Variants in GRM4 observed in about 807,000 individuals in gnomAD.
GRM4 encodes glutamate metabotropic receptor 4, also known as metabotropic glutamate receptor 4.
A neutral mutation model predicts 81.7 loss-of-function variants in GRM4; 28 were observed. The observed-to-expected ratio is 0.34, with a 90% CI of 0.25 to 0.47. The LOEUF (loss-of-function observed/expected upper bound fraction) is 0.47, where lower values mean the gene tolerates loss of function less well. GRM4 is among the 20% of genes least tolerant of loss of function. The pLI is 1.00. For missense variants in GRM4, 948 were observed against 1,290.0 expected (o/e 0.73, Z 4.06); for synonymous variants, 488 against 528.8 (o/e 0.92, Z 1.06).
At chr6:34,045,275 G>A (rs898719860) in intron 6 of GRM4, among the ~76,000 whole-genome samples, 2 of 152,194 alleles carry the variant, frequency 1.3e-5, no homozygotes, top group Admixed American at 1.3e-4. Flanking sequence ...CACACAACCC[G>A]GCTCCTCAGC....
intron 1 of GRM4, among the ~76,000 whole-genome samples, chr6:34,138,917 G>T (rs1324818682): frequency 2.0e-5 from 3 of 152,218 alleles, no homozygotes; most frequent in African/African-American, 7.2e-5. Context: ...CCACAGGACT[G>T]ATTCTAATGG....
intron 3 of GRM4, among the ~76,000 whole-genome samples, chr6:34,091,141 C>T (rs370093501): frequency 1.2e-4 from 18 of 152,342 alleles, no homozygotes; most frequent in African/African-American, 3.8e-4. Flanking sequence ...AGGGCACCAG[C>T]AGCAGCACAG....
At position 34,121,266 on chromosome 6, in the gene GRM4, C is replaced by T. The variant is rs1769802038; in HGVS notation, c.519+11712G>A. 6.6e-6 allele frequency among the ~76,000 whole-genome samples: 1 copy of T among 152,150 alleles called. No homozygotes were observed. Among genetic ancestry groups the T allele is most frequent in the South Asian group, 2.1e-4 (1 of 4,828 alleles). Reference sequence around the variant, plus strand: ...AGGGTCTCCCAGCTGGAATTCATTCCCTGGGATTAAGGGTTGTTCTCTTCC... The same window carrying T: ...AGGGTCTCCCAGCTGGAATTCATTCTCTGGGATTAAGGGTTGTTCTCTTCC... On this transcript the variant is annotated intron_variant, in intron 2 of 10. Transcript: ENST00000538487. The surrounding 1 kb of genome is among the most constrained non-coding windows in gnomAD (Gnocchi z 4.6).
chr6:34,029,387 C>T (rs1581584888), intron 9 of GRM4, among the ~76,000 whole-genome samples: 1 of 152,268 alleles, frequency 6.6e-6, no homozygotes, highest in East Asian at 1.9e-4. Context: ...GCAGTGTGGA[C>T]ACAGGTCTGG....
At chr6:34,027,057 C>T (rs1764167044) in intron 10 of GRM4, among the ~76,000 whole-genome samples, 1 of 152,152 alleles carries the variant, frequency 6.6e-6, no homozygotes, top group Non-Finnish European at 1.5e-5. Context: ...TCCCATGGGC[C>T]CCTCTGTCCC....
chr6:34,143,830 G>A (rs1250926384), intron 1 of GRM4, among the ~76,000 whole-genome samples: 1 of 152,206 alleles, frequency 6.6e-6, no homozygotes, highest in Non-Finnish European at 1.5e-5. Flanking sequence ...GGGAGCACTG[G>A]TCTCCCTGCC....
In GRM4 at chr6:34,111,815, G is replaced by A. The variant is rs1769393972; in HGVS notation, c.520-19716C>T. On this transcript the variant is annotated intron_variant, in intron 2 of 10. Coordinates refer to ENST00000538487, the MANE Select transcript of GRM4 (RefSeq NM_000841.4). The surrounding 1 kb of genome is among the most constrained non-coding windows in gnomAD (Gnocchi z 5.1). ...GGGACACCATGGGCTGATGTTGGCAGCATTGCCCCTCTCCTCAGTCACCAG... is the reference window on the plus strand; with the variant it reads ...GGGACACCATGGGCTGATGTTGGCAACATTGCCCCTCTCCTCAGTCACCAG... Among the ~76,000 whole-genome samples, 1 of 152,192 alleles carries A rather than the reference G, an allele frequency of 6.6e-6. No homozygotes were observed. The highest frequency in any genetic ancestry group is 2.4e-5 in the African/African-American group (1 of 41,454).
Position 34,129,740 on chromosome 6 carries a change from A to C in GRM4, c.519+3238T>G, listed in dbSNP as rs143096010. ...ACCCGGCTTTGAGCCCTGCCCTGTCATGTTATCAGGGTTCAGCCTCCACAT... is the reference window on the plus strand; with the variant it reads ...ACCCGGCTTTGAGCCCTGCCCTGTCCTGTTATCAGGGTTCAGCCTCCACAT... On this transcript the variant is annotated intron_variant, in intron 2 of 10. Coordinates refer to ENST00000538487, the MANE Select transcript of GRM4 (RefSeq NM_000841.4). Among the ~76,000 whole-genome samples, 547 of 152,272 alleles carry C rather than the reference A, an allele frequency of 3.6e-3. 1 individual carries two copies. Among genetic ancestry groups the C allele is most frequent in the Middle Eastern group, 0.02 (6 of 294 alleles).
intron 2 of GRM4, among the ~76,000 whole-genome samples, chr6:34,122,390 A>G (rs1016194149): frequency 2.6e-5 from 4 of 151,962 alleles, no homozygotes; most frequent in African/African-American, 9.7e-5. Flanking sequence ...TCCCCGCAAC[A>G]GCGCTGCGGG....
At chr6:34,106,208 A>G (rs977981436) in intron 2 of GRM4, among the ~76,000 whole-genome samples, 1 of 152,104 alleles carries the variant, frequency 6.6e-6, no homozygotes, top group Non-Finnish European at 1.5e-5. Flanking sequence ...TGAGGTTAGG[A>G]GTTTGAGACT....
chr6:34,124,104 G>A (rs1769923822), intron 2 of GRM4, among the ~76,000 whole-genome samples: 1 of 152,198 alleles, frequency 6.6e-6, no homozygotes, highest in Non-Finnish European at 1.5e-5. Context: ...GAGACCTGGT[G>A]ACTTGTCCTC....
rs1766607873 is a variant in GRM4 at position 34,068,553 on chromosome 6, C to T, written c.737-6525G>A. 6.6e-6 allele frequency among the ~76,000 whole-genome samples: 1 copy of T among 152,084 alleles called. No homozygotes were observed. The highest frequency in any genetic ancestry group is 2.4e-5 in the African/African-American group (1 of 41,408). Reference sequence around the variant, plus strand: ...CCCACCCCACCTGTCTCAAAAAGTCCCCCCTCCATCCTGCAAGGCCAGCCC... The same window carrying T: ...CCCACCCCACCTGTCTCAAAAAGTCTCCCCTCCATCCTGCAAGGCCAGCCC... On this transcript the variant is annotated intron_variant, in intron 3 of 10. Transcript: ENST00000538487. This position sits in a 1 kb window ranked among gnomAD's most constrained non-coding sequence, Gnocchi z 4.2.
At chr6:34,029,788 G>A (rs2451377) in intron 9 of GRM4, among the ~76,000 whole-genome samples, 5,120 of 152,312 alleles carry the variant, frequency 0.034, 119 homozygotes, top group Middle Eastern at 0.054. Context: ...GGGGGACACG[G>A]GGGCATGACC....
At chr6:34,113,566 T>C (rs1342131676) in intron 2 of GRM4, among the ~76,000 whole-genome samples, 1 of 152,172 alleles carries the variant, frequency 6.6e-6, no homozygotes, top group Non-Finnish European at 1.5e-5. Context: ...CCCAGCTTGG[T>C]TGGGCTGAGC....
At chr6:34,054,527 C>T (rs1765771475) in intron 6 of GRM4, 1 of 152,374 alleles carries the variant, frequency 6.6e-6, no homozygotes, top group Non-Finnish European at 1.5e-5. Flanking sequence ...ACAATCAGAC[C>T]AAACGCCTCC....
At chr6:34,097,632 G>A (rs1045688940) in intron 2 of GRM4, among the ~76,000 whole-genome samples, 6 of 152,216 alleles carry the variant, frequency 3.9e-5, no homozygotes, top group African/African-American at 1.4e-4. Context: ...TCCCAGAACT[G>A]CAGAATCTGA....
rs1263015664 is a variant in GRM4, at chr6:34,111,051, AT to A, written c.520-18953del. ...GGGGCAGCTCCAGACAATCCGTCTC[AT>A]GCATTTGGATATCAGCTGACAGCAG... On this transcript the variant is annotated intron_variant, in intron 2 of 10. Transcript: ENST00000538487. The surrounding 1 kb of genome is among the most constrained non-coding windows in gnomAD (Gnocchi z 5.1). The A allele has an allele frequency of 4.1e-5, 9 of 220,376 alleles. No individual in the cohort carries two copies. In the Admixed American group the frequency reaches 4.1e-4, roughly 10 times the overall value. The allele number at this position is 220,376 out of a possible 1,614,324, so 13.7% of individuals were successfully genotyped here. A position where few individuals can be genotyped will look rare whatever the true frequency, so the allele number is the denominator to read the frequency against.
chr6:34,067,154 CAT>C (rs754182053), intron 3 of GRM4, among the ~76,000 whole-genome samples: 81 of 152,310 alleles, frequency 5.3e-4, no homozygotes, highest in Non-Finnish European at 9.3e-4. Context: ...GTGAACATGA[CAT>C]AGACACTTCG....
At chr6:34,125,220 G>A (rs1207346150) in intron 2 of GRM4, among the ~76,000 whole-genome samples, 6 of 152,126 alleles carry the variant, frequency 3.9e-5, no homozygotes, top group African/African-American at 7.2e-5. Flanking sequence ...TGATCCGCCC[G>A]CCTTGGCTTC....
Sources: allele counts gnomAD v4.1 joint callset (sites outside exome capture counted in the v4.1 genomes callset), GRCh38; gene constraint gnomAD v4.1.1; non-coding constraint Gnocchi (gnomAD v3.1); transcripts MANE v1.5; gene names NCBI Gene and HGNC (gene_info 2026-07-23, HGNC 2026-07-21).